Variants in NDC1 observed in about 807,000 individuals in gnomAD.
The protein encoded by NDC1 is nucleoporin NDC1.
In NDC1, 24 loss-of-function variants were observed where a neutral mutation model predicts 89.8. That is an observed-to-expected ratio of 0.27 (90% CI 0.19 to 0.38). The LOEUF (loss-of-function observed/expected upper bound fraction) is 0.38, where lower values mean the gene tolerates loss of function less well. Among genes scored for constraint, NDC1 ranks in the 10% least tolerant of loss-of-function variants. The pLI is 1.00. For synonymous variants in NDC1, 296 were observed against 284.8 expected (o/e 1.04, Z -0.39); for missense variants, 728 against 797.6 (o/e 0.91, Z 1.05).
intron 14 of NDC1, among the ~76,000 whole-genome samples, chr1:53,791,943 C>T (rs1647519563): frequency 6.6e-6 from 1 of 151,400 alleles, no homozygotes; most frequent in Non-Finnish European, 1.5e-5. Flanking sequence ...TTTTCCCCTT[C>T]TTCTTTTTTT....
Position 53,835,604 on chromosome 1 carries a change from A to G in NDC1, c.74T>C (p.Ile25Thr), listed in dbSNP as rs993879153. ...DILWRVLGWRIVASIVWSVLF... is the reference protein window; with the variant it reads ...DILWRVLGWRTVASIVWSVLF... ...CACTGACCAAACAATACTTGCAACTATCCTCCAGCCCAAAACCTATAAACA... is the reference window on the plus strand; with the variant it reads ...CACTGACCAAACAATACTTGCAACTGTCCTCCAGCCCAAAACCTATAAACA... The change falls in exon 2 of 18, where the codon ATA (isoleucine) becomes ACA (threonine). Residue 25 changes from isoleucine (I) to threonine (T), a missense_variant. Transcript: ENST00000371429. 8 of 1,612,548 alleles carry G rather than the reference A, an allele frequency of 5.0e-6. No homozygotes were observed. The highest frequency in any genetic ancestry group is 6.8e-6 in the Non-Finnish European group (8 of 1,179,444).
At chr1:53,814,286 T>C (rs562688556) in intron 6 of NDC1, among the ~76,000 whole-genome samples, 157 of 152,128 alleles carry the variant, frequency 1.0e-3, no homozygotes, top group African/African-American at 3.7e-3. Flanking sequence ...ACCCGGGAGG[T>C]GGAGCTTGCA....
rs1485535732 is a variant in NDC1 at position 53,807,650 on chromosome 1, A to C, written c.891+6T>G. 8 of 1,586,390 alleles carry C rather than the reference A, an allele frequency of 5.0e-6. No homozygotes were observed. Among genetic ancestry groups the C allele is most frequent in the African/African-American group, 2.7e-5 (2 of 72,824 alleles). ...GTATTAAGAAAAAATATTTTAAAAA[A>C]CATACCTCTGTGGCATAGATTTTGA... On this transcript the variant is annotated splice_donor_region_variant and intron_variant, in intron 8 of 17. Transcript: ENST00000371429.
In NDC1 at chr1:53,793,215, C is replaced by A; in HGVS notation, c.1635+14G>T. 1.9e-6 allele frequency: 3 copies of A among 1,597,338 alleles called. No homozygotes were observed. The highest frequency in any genetic ancestry group is 2.6e-6 in the Non-Finnish European group (3 of 1,164,894). Reference sequence around the variant, plus strand: ...TCCCTCCCCATTCCCAACGCTATAACCACATATTCTTACCTTACTGAAAAA... The same window carrying A: ...TCCCTCCCCATTCCCAACGCTATAAACACATATTCTTACCTTACTGAAAAA... On this transcript the variant is annotated intron_variant, in intron 14 of 17. Transcript: ENST00000371429.
In NDC1 at chr1:53,807,811, T is replaced by C. The variant is rs1167664311; in HGVS notation, c.756-20A>G. ...ACCTGCCTGTGAATGCAGAAATTAC[T>C]ATTAATCCTCTAGGAAAAATGCAAT... On this transcript the variant is annotated intron_variant, in intron 7 of 17. Coordinates refer to ENST00000371429, the MANE Select transcript of NDC1 (RefSeq NM_018087.5). 1 of 1,581,712 alleles carries C rather than the reference T, an allele frequency of 6.3e-7. No homozygotes were observed. Among genetic ancestry groups the C allele is most frequent in the Non-Finnish European group, 8.5e-7 (1 of 1,169,908 alleles).
At chr1:53,797,982 T>C (rs1647777064) in intron 11 of NDC1, among the ~76,000 whole-genome samples, 2 of 151,966 alleles carry the variant, frequency 1.3e-5, no homozygotes, top group African/African-American at 4.8e-5. Flanking sequence ...GCCCAGAATA[T>C]CTATAAATCT....
intron 16 of NDC1, among the ~76,000 whole-genome samples, chr1:53,779,545 A>G (rs1647187693): frequency 6.6e-6 from 1 of 152,156 alleles, no homozygotes; most frequent in South Asian, 2.1e-4. Context: ...CTGCCATTCT[A>G]TCGTGAAAAA....
In NDC1 at chr1:53,809,767, G is replaced by A; in HGVS notation, c.704-21C>T. ...ATAGCCTGAAGGGAAAAAATACCAAGCTATGAACATAAAAAGTTATAAAAC... is the reference window on the plus strand; with the variant it reads ...ATAGCCTGAAGGGAAAAAATACCAAACTATGAACATAAAAAGTTATAAAAC... On this transcript the variant is annotated intron_variant, in intron 6 of 17. Coordinates refer to ENST00000371429, the MANE Select transcript of NDC1 (RefSeq NM_018087.5). 5 of 1,602,410 alleles carry A rather than the reference G, an allele frequency of 3.1e-6. No individual in the cohort carries two copies. In the Middle Eastern group the frequency reaches 5.0e-4, roughly 159 times the overall value.
intron 3 of NDC1, among the ~76,000 whole-genome samples, chr1:53,830,443 G>A (rs1649018752): frequency 6.6e-6 from 1 of 150,414 alleles, no homozygotes; most frequent in African/African-American, 2.4e-5. Flanking sequence ...GACAAAGCTG[G>A]ACTCCATCTT....
intron 5 of NDC1, among the ~76,000 whole-genome samples, chr1:53,821,751 G>A (rs906998672): frequency 2.1e-4 from 32 of 152,218 alleles, no homozygotes; most frequent in Admixed American, 2.6e-4. Context: ...CTCCCATGCT[G>A]AAGTGTTTTT....
chr1:53,822,280 G>GCCT (rs1648694785), intron 5 of NDC1, among the ~76,000 whole-genome samples: 2 of 152,268 alleles, frequency 1.3e-5, no homozygotes, highest in South Asian at 4.2e-4. Flanking sequence ...GTTGCAGTGA[G>GCCT]CCGGGACTGT....
In NDC1 at chr1:53,800,855, G is replaced by T. The variant is rs1239653413; in HGVS notation, c.1067-7C>A. On this transcript the variant is annotated splice_region_variant and splice_polypyrimidine_tract_variant and intron_variant, in intron 10 of 17. Coordinates refer to ENST00000371429, the MANE Select transcript of NDC1 (RefSeq NM_018087.5). ...CAATTGTGGGGATGTCCACCTAGGA[G>T]GTCCAAACACCAGCTTTTAAAATGT... 1 of 1,568,938 alleles carries T rather than the reference G, an allele frequency of 6.4e-7. No individual in the cohort carries two copies. Among genetic ancestry groups the T allele is most frequent in the African/African-American group, 1.4e-5 (1 of 72,744 alleles).
At chr1:53,820,558 A>AAAG (rs1285873451) in intron 5 of NDC1, among the ~76,000 whole-genome samples, 1 of 152,080 alleles carries the variant, frequency 6.6e-6, no homozygotes, top group East Asian at 1.9e-4. Flanking sequence ...CTTTTCTTGA[A>AAAG]AAAACTACAC....
chr1:53,793,464 G>A (rs1647589058), intron 13 of NDC1, among the ~76,000 whole-genome samples, 185 bp from the exon 14 acceptor site: 1 of 152,008 alleles, frequency 6.6e-6, no homozygotes, highest in African/African-American at 2.4e-5. Context: ...GCTACAAATT[G>A]GACAACCAAG....
chr1:53,784,224 TACAC>T (rs66868896), intron 16 of NDC1, among the ~76,000 whole-genome samples: 7,814 of 149,454 alleles, frequency 0.052, 253 homozygotes, highest in African/African-American at 0.087. Flanking sequence ...TTCTGTTATC[TACAC>T]ACACACACAC....
At position 53,772,309 on chromosome 1, in the gene NDC1, ATCAAAACAGG is replaced by A; in HGVS notation, c.1961+10_1961+19del. On this transcript the variant is annotated intron_variant, in intron 17 of 17. Coordinates refer to ENST00000371429, the MANE Select transcript of NDC1 (RefSeq NM_018087.5). ...CTCCCCAGAATAGGTATCATCATGG[ATCAAAACAGG>A]TAAACTTACTTCAGATGTTCACCAA... The A allele has an allele frequency of 6.2e-7, 1 of 1,612,114 alleles. No individual in the cohort carries two copies. The highest frequency in any genetic ancestry group is 8.5e-7 in the Non-Finnish European group (1 of 1,178,526).
intron 9 of NDC1, among the ~76,000 whole-genome samples, 177 bp downstream of exon 9, chr1:53,806,248 C>A (rs914402444): frequency 2.0e-5 from 3 of 152,244 alleles, no homozygotes; most frequent in Middle Eastern, 3.4e-3. Flanking sequence ...GCATTTTAGT[C>A]ACTTGGAAAG....
In NDC1 at chr1:53,768,016, G is replaced by A. The variant is rs771465194; in HGVS notation, c.1979C>T (p.Ala660Val). The A allele has an allele frequency of 1.9e-6, 3 of 1,607,328 alleles. No homozygotes were observed. The highest frequency in any genetic ancestry group is 2.2e-5 in the South Asian group (2 of 89,926). ...GEHLNAVQAS[A>V]EHQKRLQQFL... ...CTGTTGAAGTCTTTTCTGATGTTCT[G>A]CAGATGCTTGCACAGCACTAAATGA... Residue 660 changes from alanine (A) to valine (V), a missense_variant, in exon 18 of 18, where the codon GCA (alanine) becomes GTA (valine). By Grantham distance (64) the Ala-to-Val change is moderately conservative. Coordinates refer to ENST00000371429, the MANE Select transcript of NDC1 (RefSeq NM_018087.5).
intron 16 of NDC1, among the ~76,000 whole-genome samples, chr1:53,773,871 A>G (rs1647140022): frequency 6.6e-6 from 1 of 152,172 alleles, no homozygotes; most frequent in South Asian, 2.1e-4. Context: ...CTCAGACTAC[A>G]GTGGAAGAGG....
Sources: gnomAD v4.1 joint callset for allele counts (sites outside exome capture counted in the v4.1 genomes callset) on GRCh38, gnomAD v4.1.1 for gene constraint, MANE v1.5 for transcripts, NCBI Gene and HGNC (gene_info 2026-07-23, HGNC 2026-07-21) for gene names.